Variants in PNPLA7 observed in about 807,000 individuals in gnomAD.
PNPLA7 encodes the protein patatin like domain 7, lysophospholipase, also known as patatin-like phospholipase domain-containing protein 7.
PNPLA7 carries 153 observed loss-of-function variants against 161.7 expected under a neutral mutation model. The ratio of observed to expected loss-of-function variants is 0.95; its 90% CI spans 0.83 to 1.08. The LOEUF is 1.08. PNPLA7 is among the 50% of genes least tolerant of loss of function. The pLI is 0.00. For missense variants in PNPLA7, 1,739 were observed against 1,856.6 expected (o/e 0.94, Z 1.16); for synonymous variants, 809 against 782.1 (o/e 1.03, Z -0.57).
At chr9:137,507,094 C>T (rs1329443427) in intron 12 of PNPLA7, among the ~76,000 whole-genome samples, 4 of 152,234 alleles carry the variant, frequency 2.6e-5, no homozygotes, top group East Asian at 1.9e-4. Flanking sequence ...TGGAAAGGGG[C>T]GCATGTCTCC....
intron 20 of PNPLA7, chr9:137,491,817 T>C (rs182677222): frequency 9.8e-5 from 97 of 985,304 alleles, no homozygotes; most frequent in Non-Finnish European, 1.1e-4. Flanking sequence ...CACACGCCAA[T>C]GCCAGAGGCA....
chr9:137,512,949 C>T (rs556848057), intron 12 of PNPLA7, among the ~76,000 whole-genome samples: 8 of 143,408 alleles, frequency 5.6e-5, no homozygotes, highest in South Asian at 2.2e-4. Context: ...GGCCACAGAA[C>T]GAGCCTCTGT....
chr9:137,495,135 C>T lies in PNPLA7; in HGVS notation c.2025G>A (p.Leu675=), dbSNP rs1232574075. 1 of 1,601,824 alleles carries T rather than the reference C, an allele frequency of 6.2e-7. No individual in the cohort carries two copies. Among genetic ancestry groups the T allele is most frequent in the Non-Finnish European group, 8.5e-7 (1 of 1,177,634 alleles). The change falls in exon 19 of 35, where the codon CTG becomes CTA. Residue 675 remains leucine (L), a synonymous_variant. Coordinates refer to ENST00000406427, the MANE Select transcript of PNPLA7 (RefSeq NM_001098537.3). ...RGDLVGVVET[L]THQARATTVH... Reference sequence around the variant, plus strand: ...CCGTGGTCGCCCGGGCCTGGTGGGTCAGTGTCTCCACCTGAGGACAGGAGC... The same window carrying T: ...CCGTGGTCGCCCGGGCCTGGTGGGTTAGTGTCTCCACCTGAGGACAGGAGC...
intron 21 of PNPLA7, among the ~76,000 whole-genome samples, chr9:137,482,725 C>T (rs1166829864): frequency 6.6e-6 from 1 of 152,258 alleles, no homozygotes; most frequent in Non-Finnish European, 1.5e-5. Flanking sequence ...AAGGGGTCTA[C>T]AGATGGCGTA....
intron 11 of PNPLA7, among the ~76,000 whole-genome samples, chr9:137,517,307 A>T (rs1370605853): frequency 1.8e-4 from 7 of 39,078 alleles, no homozygotes; most frequent in African/African-American, 3.5e-4. Flanking sequence ...ACTCCATCCC[A>T]CACTCACTCA....
At position 137,500,497 on chromosome 9, in the gene PNPLA7, C is replaced by T. The variant is rs1249938317; in HGVS notation, c.1757+194G>A. 1.3e-5 allele frequency among the ~76,000 whole-genome samples: 2 copies of T among 152,120 alleles called. No individual in the cohort carries two copies. The highest frequency in any genetic ancestry group is 2.9e-5 in the Non-Finnish European group (2 of 68,020). Reference sequence around the variant, plus strand: ...GCCGTGCGAAGCTGATCGCTGCGGGCAGGTGGGGTCGGCTGACTGAGCGCT... The same window carrying T: ...GCCGTGCGAAGCTGATCGCTGCGGGTAGGTGGGGTCGGCTGACTGAGCGCT... On this transcript the variant is annotated intron_variant, in intron 16 of 34. Transcript: ENST00000406427. This position sits in a 1 kb window ranked among gnomAD's most constrained non-coding sequence, Gnocchi z 5.5.
At chr9:137,493,232 A>C in intron 19 of PNPLA7, 150 bp from the exon 20 acceptor site, 3 of 791,698 alleles carry the variant, frequency 3.8e-6, no homozygotes, top group Non-Finnish European at 6.3e-6. Context: ...CACATGACTC[A>C]CAAGCCACGT....
intron 25 of PNPLA7, among the ~76,000 whole-genome samples, chr9:137,473,433 C>G (rs1831804227): frequency 6.6e-6 from 1 of 152,082 alleles, no homozygotes; most frequent in African/African-American, 2.4e-5. Context: ...TCTCAGAACA[C>G]TGGAATTAAT....
chr9:137,536,063 G>T (rs997563178), intron 8 of PNPLA7, among the ~76,000 whole-genome samples: 5 of 151,202 alleles, frequency 3.3e-5, no homozygotes, highest in African/African-American at 1.2e-4. Flanking sequence ...TGAGGCAGGA[G>T]AATGGCGTGA....
Position 137,504,602 on chromosome 9 carries a change from C to T in PNPLA7, c.1473+1012G>A, listed in dbSNP as rs117707869. ...TGTACAACAAGAAACCACTGAGAACCACTCATGACACAGTCAGGGGTCCAG... is the reference window on the plus strand; with the variant it reads ...TGTACAACAAGAAACCACTGAGAACTACTCATGACACAGTCAGGGGTCCAG... On this transcript the variant is annotated intron_variant, in intron 14 of 34. Transcript: ENST00000406427. Among the ~76,000 whole-genome samples, 342 of 152,284 alleles carry T rather than the reference C, an allele frequency of 2.2e-3. 1 individual carries two copies. Among genetic ancestry groups the T allele is most frequent in the Admixed American group, 5.2e-3 (80 of 15,304 alleles).
chr9:137,465,549 G>A (rs751965763), intron 26 of PNPLA7, among the ~76,000 whole-genome samples: 7 of 152,236 alleles, frequency 4.6e-5, no homozygotes, highest in Non-Finnish European at 7.3e-5. Flanking sequence ...CCGTCCTGCT[G>A]CATGCCAGTC....
Position 137,461,536 on chromosome 9 carries a change from C to CG in PNPLA7, c.3840_3841insC (p.Asp1281ArgfsTer4). ...GGCTTCGTCTTGCGCCTCCACTCAC[C>CG]ATCCACCATGGCGGGCTTGGCGGGC... On this transcript the variant is annotated frameshift_variant and splice_region_variant, in exon 33 of 35. Coordinates refer to ENST00000406427, the MANE Select transcript of PNPLA7 (RefSeq NM_001098537.3). LOFTEE classifies it high-confidence loss of function. 6.2e-7 allele frequency: 1 copy of CG among 1,611,848 alleles called. No homozygotes were observed. The highest frequency in any genetic ancestry group is 8.5e-7 in the Non-Finnish European group (1 of 1,178,920).
chr9:137,503,253 G>T (rs780236029), intron 14 of PNPLA7, among the ~76,000 whole-genome samples: 2 of 151,956 alleles, frequency 1.3e-5, no homozygotes, highest in African/African-American at 2.4e-5. Context: ...GTGTTAGTGA[G>T]GCCTGTGGTT....
At position 137,522,273 on chromosome 9, in the gene PNPLA7, A is replaced by T. The variant is rs111692970; in HGVS notation, c.876+456T>A. ...GTATTTTTAGCAGAGACGGGGTTTC[A>T]CCGTGTGAGCCAGGATGGTCTCGAT... is the stretch of plus-strand genomic sequence containing the variant. On this transcript the variant is annotated intron_variant, in intron 9 of 34. Coordinates refer to ENST00000406427, the MANE Select transcript of PNPLA7 (RefSeq NM_001098537.3). Among the ~76,000 whole-genome samples the T allele has an allele frequency of 9.7e-3, 1,473 of 151,134 alleles. 27 individuals are homozygous for T. The highest frequency in any genetic ancestry group is 0.034 in the African/African-American group (1,402 of 40,654).
rs141612853 is a variant in PNPLA7 at position 137,501,761 on chromosome 9, G to A, written c.1474-34C>T. The A allele has an allele frequency of 2.9e-4, 458 of 1,599,876 alleles. No homozygotes were observed. In the East Asian group the frequency reaches 6.0e-3, roughly 21 times the overall value. On this transcript the variant is annotated intron_variant, in intron 14 of 34. Coordinates refer to ENST00000406427, the MANE Select transcript of PNPLA7 (RefSeq NM_001098537.3). Reference sequence around the variant, plus strand: ...AGAGCAGACTTCAGGGAACACGGGCGGGAAGCATAAATGAAGGTCCAGAGA... The same window carrying A: ...AGAGCAGACTTCAGGGAACACGGGCAGGAAGCATAAATGAAGGTCCAGAGA...
At chr9:137,491,908 C>T (rs998117051) in intron 20 of PNPLA7, 2 of 985,348 alleles carry the variant, frequency 2.0e-6, no homozygotes, top group Non-Finnish European at 2.4e-6. Flanking sequence ...GAGTGCTGGG[C>T]GGATGGGGAG....
At chr9:137,507,272 G>A (rs1037387843) in intron 12 of PNPLA7, among the ~76,000 whole-genome samples, 1 of 152,234 alleles carries the variant, frequency 6.6e-6, no homozygotes, top group African/African-American at 2.4e-5. Context: ...GCTTCCTCTG[G>A]GGCTGACCCT....
intron 12 of PNPLA7, chr9:137,509,863 A>C (rs556906055): frequency 2.6e-6 from 1 of 380,838 alleles, no homozygotes; most frequent in Non-Finnish European, 5.4e-6. Flanking sequence ...TACCAGATAT[A>C]GATCTTAGGT....
intron 25 of PNPLA7, among the ~76,000 whole-genome samples, chr9:137,469,775 G>C (rs765352292): frequency 1.3e-5 from 2 of 152,192 alleles, no homozygotes; most frequent in Non-Finnish European, 2.9e-5. Flanking sequence ...GGACCAATTC[G>C]ACGGACAGCC....
Sources: gnomAD v4.1 joint callset for allele counts (sites outside exome capture counted in the v4.1 genomes callset) on GRCh38, gnomAD v4.1.1 for gene constraint, Gnocchi (gnomAD v3.1) non-coding constraint, MANE v1.5 for transcripts, NCBI Gene and HGNC (gene_info 2026-07-23, HGNC 2026-07-21) for gene names.